The following TRIP11 variants were observed in gnomAD, a reference collection of about 807,000 sequenced individuals.
The protein encoded by TRIP11 is thyroid receptor-interacting protein 11.
TRIP11 carries 148 observed loss-of-function variants against 223.1 expected under a neutral mutation model. The observed-to-expected ratio is 0.66, with a 90% confidence interval of 0.58 to 0.76. The LOEUF (loss-of-function observed/expected upper bound fraction) is 0.76. TRIP11 is among the 30% of genes least tolerant of loss of function. The pLI, the probability that TRIP11 is intolerant of heterozygous loss-of-function variation, is 0.00. For synonymous variants in TRIP11, 762 were observed against 772.6 expected (o/e 0.99, Z 0.23); for missense variants, 2,043 against 2,222.0 (o/e 0.92, Z 1.62).
rs764738566 is a variant in TRIP11, at chr14:92,025,305, T to C, written c.312+5A>G. ...TACATATGAAGTAACTGTGATAACA[T>C]TTACCTCTTTTTGTTGAAGTTGATT... is the stretch of plus-strand genomic sequence containing the variant. On this transcript the variant is annotated splice_donor_5th_base_variant and intron_variant, in intron 3 of 20. Coordinates refer to ENST00000267622, the MANE Select transcript of TRIP11 (RefSeq NM_004239.4). 2 of 1,598,990 alleles carry C rather than the reference T, an allele frequency of 1.3e-6. No individual in the cohort carries two copies. The highest frequency in any genetic ancestry group is 1.7e-5 in the Admixed American group (1 of 59,986).
At chr14:92,027,402 T>C (rs2057203825) in intron 2 of TRIP11, among the ~76,000 whole-genome samples, 2 of 152,170 alleles carry the variant, frequency 1.3e-5, no homozygotes, top group South Asian at 2.1e-4. Flanking sequence ...CTATAAGTAG[T>C]TGGTTTGTAT....
In TRIP11 at chr14:91,978,130, T is replaced by G. The variant is rs989372778; in HGVS notation, c.5261-1941A>C. Among the ~76,000 whole-genome samples, 2 of 152,202 alleles carry G rather than the reference T, an allele frequency of 1.3e-5. No homozygotes were observed. Among genetic ancestry groups the G allele is most frequent in the Non-Finnish European group, 2.9e-5 (2 of 68,030 alleles). ...AGTAAAAGACACTTTAGATTCCTAATGTGCACATGTATACTACTAGCACAT... is the reference window on the plus strand; with the variant it reads ...AGTAAAAGACACTTTAGATTCCTAAGGTGCACATGTATACTACTAGCACAT... On this transcript the variant is annotated intron_variant, in intron 16 of 20. Coordinates refer to ENST00000267622, the MANE Select transcript of TRIP11 (RefSeq NM_004239.4). The surrounding 1 kb of genome is among the most constrained non-coding windows in gnomAD (Gnocchi z 4.4).
At chr14:92,039,422 A>G in intron 1 of TRIP11, 125 bp downstream of exon 1, 1 of 1,020,162 alleles carries the variant, frequency 9.8e-7, no homozygotes, top group Admixed American at 2.4e-5. Context: ...AGGTGTGTGA[A>G]GAAAAAAGGG....
intron 2 of TRIP11, among the ~76,000 whole-genome samples, chr14:92,029,387 C>G (rs1290229685): frequency 2.1e-5 from 3 of 144,090 alleles, no homozygotes; most frequent in Admixed American, 7.2e-5. Flanking sequence ...CCTCTGCCTC[C>G]CAGGTTCAAG....
chr14:92,021,689 T>C lies in TRIP11; in HGVS notation c.455A>G (p.His152Arg). 6.2e-7 allele frequency: 1 copy of C among 1,614,208 alleles called. No individual in the cohort carries two copies. Among genetic ancestry groups the C allele is most frequent in the Non-Finnish European group, 8.5e-7 (1 of 1,180,032 alleles). Residue 152 changes from histidine to arginine, a missense_variant, in exon 4 of 21, where the codon CAT becomes CGT. Transcript: ENST00000267622. ...ASSSFAYGIS[H>R]HPSAFHDDDM... ...ATCGTCATGGAAAGCTGAAGGATGA[T>C]GACTAATCCCATAAGCGAATGAAGA... is the stretch of plus-strand genomic sequence containing the variant.
At chr14:92,017,510 C>T (rs1392954047) in intron 5 of TRIP11, among the ~76,000 whole-genome samples, 172 bp downstream of exon 5, 1 of 152,152 alleles carries the variant, frequency 6.6e-6, no homozygotes, top group Non-Finnish European at 1.5e-5. Context: ...CATGCCACTG[C>T]ACTCCAGCCA....
chr14:91,988,092 A>G (rs887071373), intron 16 of TRIP11, among the ~76,000 whole-genome samples, 192 bp downstream of exon 16: 1 of 152,224 alleles, frequency 6.6e-6, no homozygotes, highest in Non-Finnish European at 1.5e-5. Context: ...CTGGACAGCC[A>G]GGGCCAACTT....
intron 18 of TRIP11, 140 bp downstream of exon 18, chr14:91,975,032 A>G (rs2056446560): frequency 4.8e-6 from 4 of 828,064 alleles, no homozygotes; most frequent in South Asian, 2.9e-5. Context: ...CTGCCTCTTC[A>G]ATGTTGTATG....
chr14:92,018,261 A>AT (rs535769740), intron 4 of TRIP11, among the ~76,000 whole-genome samples: 2,369 of 148,868 alleles, frequency 0.016, 28 homozygotes, highest in Non-Finnish European at 0.027. Context: ...TGCTTAGCTA[A>AT]TTTTTTTTTT....
intron 15 of TRIP11, among the ~76,000 whole-genome samples, chr14:91,990,046 A>G (rs1197794615): frequency 6.6e-6 from 1 of 152,200 alleles, no homozygotes; most frequent in Non-Finnish European, 1.5e-5. Context: ...CAGCGGCTGC[A>G]ATCTTGTAGC....
At chr14:92,016,832 C>T (rs2057040744) in intron 5 of TRIP11, among the ~76,000 whole-genome samples, 1 of 152,098 alleles carries the variant, frequency 6.6e-6, no homozygotes, top group African/African-American at 2.4e-5. Context: ...CAGGTCTGAT[C>T]CGGATTCTAT....
Position 91,993,908 on chromosome 14 carries a change from T to G in TRIP11, c.5061A>C (p.Glu1687Asp). The G allele has an allele frequency of 6.2e-7, 1 of 1,612,010 alleles. No individual in the cohort carries two copies. The highest frequency in any genetic ancestry group is 1.1e-5 in the South Asian group (1 of 91,004). Residue 1687 changes from glutamate to aspartate, a missense_variant, in exon 15 of 21, where the codon GAA becomes GAC. Coordinates refer to ENST00000267622, the MANE Select transcript of TRIP11 (RefSeq NM_004239.4). ...CGAGTTCAGCAGAATACATAGCTTTTTCCTCTAAAGAGAAAAGAAAGTTAA... is the reference window on the plus strand; with the variant it reads ...CGAGTTCAGCAGAATACATAGCTTTGTCCTCTAAAGAGAAAAGAAAGTTAA... ...QMVLEHFQQE[E>D]KAMYSAELEK...
rs1183592636 is a variant in TRIP11 at position 92,005,849 on chromosome 14, A to G, written c.2127T>C (p.Thr709=). Residue 709 remains threonine (T), a synonymous_variant, in exon 11 of 21, where the codon ACT becomes ACC. Coordinates refer to ENST00000267622, the MANE Select transcript of TRIP11 (RefSeq NM_004239.4). ...GNNQLSLEKN[T]IVETLKMEKG... The stretch of plus-strand genomic sequence containing the variant: ...TTTCCATTTTTAGAGTCTCCACAAT[A>G]GTGTTTTTTTCCAGAGAAAGCTGAT... 6.2e-7 allele frequency: 1 copy of G among 1,614,016 alleles called. No homozygotes were observed. Among genetic ancestry groups the G allele is most frequent in the South Asian group, 1.1e-5 (1 of 91,080 alleles).
rs1015039430 is a variant in TRIP11, at chr14:92,025,505, G to A, written c.202-85C>T. 4 of 854,250 alleles carry A rather than the reference G, an allele frequency of 4.7e-6. No individual in the cohort carries two copies. The African/African-American group carries it at 7.9e-5, about 17-fold the overall frequency. 52.9% of individuals were successfully genotyped at this position (854,250 alleles called of 1,614,324 possible). ...TGCACAGCATTATGAAAAACGTACTGCTTTCCCCCCCCAAAAATGTCAAAT... is the reference window on the plus strand; with the variant it reads ...TGCACAGCATTATGAAAAACGTACTACTTTCCCCCCCCAAAAATGTCAAAT... On this transcript the variant is annotated intron_variant, in intron 2 of 20. Coordinates refer to ENST00000267622, the MANE Select transcript of TRIP11 (RefSeq NM_004239.4).
In TRIP11 at chr14:92,005,486, T is replaced by C. The variant is rs747168933; in HGVS notation, c.2490A>G (p.Glu830=). 6.2e-7 allele frequency: 1 copy of C among 1,614,076 alleles called. No homozygotes were observed. ...LKERSSKLQE[E]LDKYSQALRK... The stretch of plus-strand genomic sequence containing the variant: ...TTAAGGCCTGAGAATATTTATCCAA[T>C]TCCTCCTGCAGCTTTGAACTTCTTT... Residue 830 remains glutamate, a synonymous_variant, in exon 11 of 21, where the codon GAA becomes GAG. Coordinates refer to ENST00000267622, the MANE Select transcript of TRIP11 (RefSeq NM_004239.4).
chr14:92,024,549 T>C (rs1400524458), intron 3 of TRIP11, among the ~76,000 whole-genome samples: 1 of 152,178 alleles, frequency 6.6e-6, no homozygotes, highest in Admixed American at 6.5e-5. Flanking sequence ...CTTTTATCTT[T>C]CACCTTAGCA....
intron 9 of TRIP11, 125 bp from the exon 10 acceptor site, chr14:92,007,977 C>G (rs1295438670): frequency 5.8e-6 from 4 of 694,818 alleles, no homozygotes; most frequent in Non-Finnish European, 2.4e-6. Context: ...TAATATTGAA[C>G]AATACCTCAA....
intron 1 of TRIP11, among the ~76,000 whole-genome samples, chr14:92,035,374 G>A (rs865960426): frequency 6.6e-6 from 1 of 151,318 alleles, no homozygotes; most frequent in South Asian, 2.1e-4. Flanking sequence ...TTTTTTCTAA[G>A]TACTAGTATT....
intron 15 of TRIP11, 143 bp downstream of exon 15, chr14:91,993,666 C>T: frequency 1.5e-6 from 1 of 670,408 alleles, no homozygotes; most frequent in South Asian, 1.8e-5. Context: ...ATCTTGTTCA[C>T]TGTCAGGCTA....
Sources: allele counts gnomAD v4.1 joint callset (sites outside exome capture counted in the v4.1 genomes callset), GRCh38; gene constraint gnomAD v4.1.1; non-coding constraint Gnocchi (gnomAD v3.1); transcripts MANE v1.5; gene names NCBI Gene and HGNC (gene_info 2026-07-23, HGNC 2026-07-21).